Variants in VAV3 observed in about 807,000 individuals in gnomAD.
VAV3 encodes the protein vav guanine nucleotide exchange factor 3, also known as guanine nucleotide exchange factor VAV3.
Under a neutral mutation model 131.2 loss-of-function variants are expected in VAV3, and 94 were observed. The ratio of observed to expected loss-of-function variants is 0.72; its 90% CI spans 0.61 to 0.85. The LOEUF (loss-of-function observed/expected upper bound fraction) is 0.85, where lower values mean the gene tolerates loss of function less well. Ranked by LOEUF, VAV3 falls within the 40% of genes least tolerant of loss-of-function variation. The pLI is 0.00. For synonymous variants in VAV3, 349 were observed against 342.0 expected, an observed-to-expected ratio of 1.02 and a Z score of -0.22; for missense variants, 939 against 1,002.7, an observed-to-expected ratio of 0.94 and a Z score of 0.86.
intron 19 of VAV3, among the ~76,000 whole-genome samples, chr1:107,662,249 G>A (rs1657075762): frequency 2.6e-5 from 4 of 152,004 alleles, no homozygotes; most frequent in Admixed American, 1.3e-4. Context: ...CCCTTCCTCC[G>A]AGTGATTAAA....
intron 21 of VAV3, among the ~76,000 whole-genome samples, chr1:107,615,871 A>G (rs950622075): frequency 6.6e-6 from 1 of 152,242 alleles, no homozygotes; most frequent in Non-Finnish European, 1.5e-5. Flanking sequence ...ACTAATCATT[A>G]AAGAAATACA....
chr1:107,749,212 G>A (rs377661801), intron 14 of VAV3, 135 bp from the exon 15 acceptor site: 2 of 825,766 alleles, frequency 2.4e-6, no homozygotes, highest in Non-Finnish European at 3.7e-6. Context: ...GCTTATTGTA[G>A]TCAACTTCAT....
intron 1 of VAV3, among the ~76,000 whole-genome samples, chr1:107,955,979 T>C (rs1674789780): frequency 2.0e-5 from 3 of 152,144 alleles, no homozygotes; most frequent in African/African-American, 7.2e-5. Flanking sequence ...TGAAAATATA[T>C]CTCACATCAA....
chr1:107,869,188 A>G (rs1310699507), intron 2 of VAV3, among the ~76,000 whole-genome samples: 1 of 152,204 alleles, frequency 6.6e-6, no homozygotes, highest in Non-Finnish European at 1.5e-5. Flanking sequence ...TGATGAAACC[A>G]TCCAAACTCT....
intron 1 of VAV3, among the ~76,000 whole-genome samples, chr1:107,963,797 T>C (rs1429886160): frequency 6.6e-6 from 1 of 152,212 alleles, no homozygotes. Flanking sequence ...GAACCGAGTT[T>C]AACATCCTTC....
chr1:107,792,860 G>T (rs1666362566), intron 2 of VAV3, among the ~76,000 whole-genome samples: 1 of 152,064 alleles, frequency 6.6e-6, no homozygotes, highest in South Asian at 2.1e-4. Context: ...CTTCTGGTTT[G>T]CAATTAAGTA....
At chr1:107,576,414 A>AG in intron 25 of VAV3, 4 of 1,525,090 alleles carry the variant, frequency 2.6e-6, no homozygotes, top group Non-Finnish European at 3.5e-6. Context: ...GAGTGGAAGA[A>AG]GGGGGAACAA....
chr1:107,722,346 T>C (rs1189596547), intron 15 of VAV3, among the ~76,000 whole-genome samples: 2 of 152,202 alleles, frequency 1.3e-5, no homozygotes, highest in African/African-American at 2.4e-5. Context: ...CCTGTGATTT[T>C]GGGATTCTCT....
At chr1:107,796,098 T>C (rs1666524420) in intron 2 of VAV3, among the ~76,000 whole-genome samples, 1 of 151,878 alleles carries the variant, frequency 6.6e-6, no homozygotes, top group Admixed American at 6.6e-5. Flanking sequence ...GTCCCTAGTA[T>C]CAAACAGTAT....
chr1:107,889,030 A>G (rs1403466245), intron 1 of VAV3, among the ~76,000 whole-genome samples: 1 of 151,664 alleles, frequency 6.6e-6, no homozygotes. Flanking sequence ...TCCTGGGCCC[A>G]TTCTTAATGA....
intron 19 of VAV3, among the ~76,000 whole-genome samples, chr1:107,676,138 CCTCT>C (rs778371336): frequency 6.6e-6 from 1 of 152,206 alleles, no homozygotes; most frequent in Non-Finnish European, 1.5e-5. Context: ...GCCTCTCTTT[CCTCT>C]CTCTTATTCA....
intron 1 of VAV3, among the ~76,000 whole-genome samples, chr1:107,956,980 G>A (rs2101379703): frequency 6.6e-6 from 1 of 152,276 alleles, no homozygotes; most frequent in South Asian, 2.1e-4. Context: ...GGTGGTAGAA[G>A]CAATGAGTTC....
intron 4 of VAV3, among the ~76,000 whole-genome samples, chr1:107,775,178 A>G (rs997235773): frequency 6.6e-6 from 1 of 151,740 alleles, no homozygotes; most frequent in Non-Finnish European, 1.5e-5. Flanking sequence ...CTAGGAATGC[A>G]TCCTCACTGG....
rs189180765 is a variant in VAV3 at position 107,883,812 on chromosome 1, C to T, written c.205-8795G>A. 3.7e-4 allele frequency among the ~76,000 whole-genome samples: 57 copies of T among 152,246 alleles called. No homozygotes were observed. The Middle Eastern group carries it at 0.014, about 36-fold the overall frequency. On this transcript the variant is annotated intron_variant, in intron 1 of 26. Transcript: ENST00000370056. ...CTTGTCCTTATAAGAGGAAGCACTGCACCCCTCTCCCTTGGCAGAAACTTA... is the reference window on the plus strand; with the variant it reads ...CTTGTCCTTATAAGAGGAAGCACTGTACCCCTCTCCCTTGGCAGAAACTTA...
At chr1:107,833,343 T>A (rs1668336743) in intron 2 of VAV3, among the ~76,000 whole-genome samples, 1 of 152,204 alleles carries the variant, frequency 6.6e-6, no homozygotes. Context: ...TCTTCCATTC[T>A]GTGAAGGCTG....
intron 18 of VAV3, 83 bp downstream of exon 18, chr1:107,688,298 A>C: frequency 2.7e-6 from 4 of 1,461,250 alleles, no homozygotes; most frequent in Non-Finnish European, 3.7e-6. Flanking sequence ...CACATTTAAC[A>C]GTGTAAAAGC....
intron 17 of VAV3, among the ~76,000 whole-genome samples, chr1:107,698,565 G>A (rs1659887939): frequency 6.6e-6 from 1 of 152,198 alleles, no homozygotes; most frequent in Non-Finnish European, 1.5e-5. Context: ...CATCATTAAT[G>A]GAGGAGCAGC....
At chr1:107,905,037 T>C (rs1262331044) in intron 1 of VAV3, among the ~76,000 whole-genome samples, 1 of 152,110 alleles carries the variant, frequency 6.6e-6, no homozygotes, top group Non-Finnish European at 1.5e-5. Flanking sequence ...AAGGAAGAAA[T>C]CTTCCTCGGA....
At chr1:107,703,791 G>A (rs1245145161) in intron 17 of VAV3, among the ~76,000 whole-genome samples, 1 of 152,066 alleles carries the variant, frequency 6.6e-6, no homozygotes, top group South Asian at 2.1e-4. Flanking sequence ...AAGTTTTACT[G>A]ATTTTGAAAG....
Sources: allele counts gnomAD v4.1 joint callset (sites outside exome capture counted in the v4.1 genomes callset), GRCh38; gene constraint gnomAD v4.1.1; transcripts MANE v1.5; gene names NCBI Gene and HGNC (gene_info 2026-07-23, HGNC 2026-07-21).